The following NTSR1 variants were observed in gnomAD, a reference collection of about 807,000 sequenced individuals.
The protein encoded by NTSR1 is neurotensin receptor 1, also known as neurotensin receptor type 1.
A neutral mutation model predicts 31.2 loss-of-function variants in NTSR1; 29 were observed. That is an observed-to-expected ratio of 0.93 (90% CI 0.69 to 1.27). The LOEUF (loss-of-function observed/expected upper bound fraction) is 1.27, where lower values mean the gene tolerates loss of function less well. Ranked by LOEUF, NTSR1 falls within the 50% of genes most tolerant of loss-of-function variation. The pLI is 0.00. For missense variants in NTSR1, 697 were observed against 595.4 expected (o/e 1.17, Z -1.78); for synonymous variants, 282 against 269.9 (o/e 1.04, Z -0.44).
In NTSR1 at chr20:62,709,227, C is replaced by G; in HGVS notation, c.20C>G (p.Ala7Gly). Residue 7 changes from alanine to glycine, a missense_variant, in exon 1 of 4, where the codon GCG (alanine) becomes GGG (glycine). Physicochemically the swap from Ala to Gly is moderately conservative, Grantham distance 60. Transcript: ENST00000370501. MRLNSS[A>G]PGTPGTPAAD... The stretch of plus-strand genomic sequence containing the variant: ...CCCACCATGCGCCTCAACAGCTCCG[C>G]GCCGGGAACCCCGGGCACGCCGGCC... 2.0e-6 allele frequency: 3 copies of G among 1,484,518 alleles called. No homozygotes were observed. Among genetic ancestry groups the G allele is most frequent in the Non-Finnish European group, 2.7e-6 (3 of 1,125,382 alleles). 92.0% of individuals were successfully genotyped at this position (1,484,518 alleles called of 1,614,324 possible).
Position 62,738,713 on chromosome 20 carries a change from G to A in NTSR1, c.715-15972G>A, listed in dbSNP as rs568686406. ...CGCGGGGTTAGCATGGCAGGAACCC[G>A]GGCTGGAGGCTGGGAACACGTCCAG... On this transcript the variant is annotated intron_variant, in intron 1 of 3. Transcript: ENST00000370501. 1.3e-4 allele frequency among the ~76,000 whole-genome samples: 20 copies of A among 152,366 alleles called. No homozygotes were observed. In the East Asian group the frequency reaches 1.4e-3, roughly 10 times the overall value.
At position 62,760,392 on chromosome 20, in the gene NTSR1, G is replaced by C; in HGVS notation, c.*125G>C. 9.2e-7 allele frequency: 1 copy of C among 1,082,056 alleles called. No individual in the cohort carries two copies. The highest frequency in any genetic ancestry group is 1.3e-6 in the Non-Finnish European group (1 of 776,928). The allele number at this position is 1,082,056 out of a possible 1,614,324, so 67.0% of individuals were successfully genotyped here. A position where few individuals can be genotyped will look rare whatever the true frequency, so the allele number is the denominator to read the frequency against. ...CAGAGGCCAGCCTGCACTGGAGTCT[G>C]AGGCCTGGGACCCCCCCCTCCCACC... is the stretch of plus-strand genomic sequence containing the variant. On this transcript the variant is annotated 3_prime_UTR_variant, in exon 4 of 4. Transcript: ENST00000370501.
chr20:62,713,894 G>C (rs1200834793), intron 1 of NTSR1, among the ~76,000 whole-genome samples: 1 of 152,276 alleles, frequency 6.6e-6, no homozygotes, highest in East Asian at 1.9e-4. Context: ...GAGGTCAGGA[G>C]TTCAAGCCCA....
chr20:62,717,560 A>G (rs1027249712), intron 1 of NTSR1, among the ~76,000 whole-genome samples: 1 of 152,172 alleles, frequency 6.6e-6, no homozygotes, highest in Non-Finnish European at 1.5e-5. Context: ...TCATGAGTTA[A>G]TGACATAAAA....
intron 1 of NTSR1, among the ~76,000 whole-genome samples, chr20:62,717,693 G>C (rs1988756953): frequency 6.6e-6 from 1 of 152,164 alleles, no homozygotes; most frequent in Admixed American, 6.5e-5. Context: ...TCCCCAGGCA[G>C]GAGGAATTCT....
At chr20:62,746,753 A>G (rs1052497972) in intron 1 of NTSR1, among the ~76,000 whole-genome samples, 1 of 152,224 alleles carries the variant, frequency 6.6e-6, no homozygotes, top group Admixed American at 6.5e-5. Context: ...ATAACAAAGA[A>G]GGAGATTGAA....
At chr20:62,738,760 G>A (rs187046110) in intron 1 of NTSR1, among the ~76,000 whole-genome samples, 189 of 152,356 alleles carry the variant, frequency 1.2e-3, no homozygotes, top group African/African-American at 4.5e-3. Flanking sequence ...TCCTCGAGGT[G>A]GCTCCAGCCT....
rs1406488438 is a variant in NTSR1, at chr20:62,741,436, A to C, written c.715-13249A>C. On this transcript the variant is annotated intron_variant, in intron 1 of 3. Transcript: ENST00000370501. The surrounding 1 kb of genome is among the most constrained non-coding windows in gnomAD (Gnocchi z 4.3). ...CGGGTGACTCACCAGCCCCGCTCAG[A>C]GGACGGGTCTGCAGGTGGCCAGAGT... 2.0e-5 allele frequency among the ~76,000 whole-genome samples: 3 copies of C among 149,688 alleles called. No homozygotes were observed. Among genetic ancestry groups the C allele is most frequent in the Non-Finnish European group, 4.4e-5 (3 of 68,016 alleles).
intron 1 of NTSR1, among the ~76,000 whole-genome samples, chr20:62,740,438 C>T (rs890256314): frequency 4.0e-4 from 60 of 148,872 alleles, no homozygotes; most frequent in African/African-American, 1.5e-3. Context: ...GGGTGAGCGG[C>T]AGGCAGATCT....
chr20:62,753,998 C>A (rs781620478), intron 1 of NTSR1, among the ~76,000 whole-genome samples: 1 of 152,202 alleles, frequency 6.6e-6, no homozygotes, highest in Admixed American at 6.5e-5. Context: ...GCCCCCCTTG[C>A]GCTGGAGTCT....
rs374108238 is a variant in NTSR1, at chr20:62,758,310, G to T, written c.961G>T (p.Val321Leu). ...AFVVCWLPYH[V>L]RRLMFCYISD... Reference sequence around the variant, plus strand: ...TGTGGTCTGCTGGCTGCCCTACCACGTGCGGCGCCTCATGTTCTGCTACAT... The same window carrying T: ...TGTGGTCTGCTGGCTGCCCTACCACTTGCGGCGCCTCATGTTCTGCTACAT... Residue 321 changes from valine to leucine, a missense_variant, in exon 3 of 4, where the codon GTG becomes TTG. Transcript: ENST00000370501. This position sits in a 1 kb window ranked among gnomAD's most constrained non-coding sequence, Gnocchi z 4.5. 6.2e-7 allele frequency: 1 copy of T among 1,613,640 alleles called. No individual in the cohort carries two copies. Among genetic ancestry groups the T allele is most frequent in the African/African-American group, 1.3e-5 (1 of 74,884 alleles).
rs1440374004 is a variant in NTSR1 at position 62,758,839 on chromosome 20, G to A, written c.1007+483G>A. Among the ~76,000 whole-genome samples, 2 of 152,182 alleles carry A rather than the reference G, an allele frequency of 1.3e-5. No homozygotes were observed. Among genetic ancestry groups the A allele is most frequent in the Non-Finnish European group, 2.9e-5 (2 of 68,008 alleles). On this transcript the variant is annotated intron_variant, in intron 3 of 3. Transcript: ENST00000370501. This position sits in a 1 kb window ranked among gnomAD's most constrained non-coding sequence, Gnocchi z 4.5. ...AAAGGGAAAAGACACATGGAGTGGG[G>A]TCAGCGGAAGACCAGATGCAGCTTC...
chr20:62,731,087 T>C (rs1988994509), intron 1 of NTSR1, among the ~76,000 whole-genome samples: 1 of 152,228 alleles, frequency 6.6e-6, no homozygotes, highest in Admixed American at 6.5e-5. Flanking sequence ...TTTTTGTTTT[T>C]TCTTTTTTGT....
chr20:62,731,949 A>T (rs905153559), intron 1 of NTSR1, among the ~76,000 whole-genome samples: 1 of 152,108 alleles, frequency 6.6e-6, no homozygotes, highest in African/African-American at 2.4e-5. Flanking sequence ...TGAAACCCCC[A>T]TCTCTACTAA....
intron 1 of NTSR1, among the ~76,000 whole-genome samples, chr20:62,736,864 C>G (rs79614566): frequency 2.0e-5 from 3 of 152,194 alleles, no homozygotes; most frequent in South Asian, 2.1e-4. Flanking sequence ...ATCGTGGGGG[C>G]GGTTCCCCCA....
chr20:62,748,905 G>A (rs1238415920), intron 1 of NTSR1, among the ~76,000 whole-genome samples: 1 of 152,180 alleles, frequency 6.6e-6, no homozygotes, highest in East Asian at 1.9e-4. Flanking sequence ...CCATGCCACG[G>A]CGGAACTTTT....
intron 1 of NTSR1, among the ~76,000 whole-genome samples, chr20:62,728,793 C>G (rs1285298003): frequency 6.6e-6 from 1 of 152,240 alleles, no homozygotes; most frequent in Non-Finnish European, 1.5e-5. Context: ...GTCACCTGGA[C>G]AGCCCAGCCA....
At chr20:62,739,871 C>T (rs1989171491) in intron 1 of NTSR1, among the ~76,000 whole-genome samples, 1 of 152,264 alleles carries the variant, frequency 6.6e-6, no homozygotes, top group Non-Finnish European at 1.5e-5. Flanking sequence ...GTGCGGGACG[C>T]ATATGCTGTC....
rs532821447 is a variant in NTSR1, at chr20:62,711,708, C to G, written c.714+1787C>G. ...AAAGCACAGGGGCGTGAGGACAGCT[C>G]GGCTCCGCCCCCCGGAAAGTGTCCT... On this transcript the variant is annotated intron_variant, in intron 1 of 3. Coordinates refer to ENST00000370501, the MANE Select transcript of NTSR1 (RefSeq NM_002531.3). This position sits in a 1 kb window ranked among gnomAD's most constrained non-coding sequence, Gnocchi z 6.4. Among the ~76,000 whole-genome samples, 1 of 152,272 alleles carries G rather than the reference C, an allele frequency of 6.6e-6. No homozygotes were observed. Among genetic ancestry groups the G allele is most frequent in the African/African-American group, 2.4e-5 (1 of 41,562 alleles).
Sources: gnomAD v4.1 joint callset for allele counts (sites outside exome capture counted in the v4.1 genomes callset) on GRCh38, gnomAD v4.1.1 for gene constraint, Gnocchi (gnomAD v3.1) non-coding constraint, MANE v1.5 for transcripts, NCBI Gene and HGNC (gene_info 2026-07-23, HGNC 2026-07-21) for gene names.